LRBA: variants seen among roughly 807,000 people sequenced by gnomAD.
The protein encoded by LRBA is lipopolysaccharide-responsive and beige-like anchor protein.
In LRBA, 176 loss-of-function variants were observed where a neutral mutation model predicts 330.0. That is an observed-to-expected ratio of 0.53 (90% CI 0.47 to 0.60). The LOEUF (loss-of-function observed/expected upper bound fraction) is 0.60. LRBA is among the 20% of genes least tolerant of loss of function. LRBA has a pLI of 0.00. For synonymous variants in LRBA, 1,230 were observed against 1,193.0 expected, an observed-to-expected ratio of 1.03 and a Z score of -0.64; for missense variants, 3,259 against 3,444.8, an observed-to-expected ratio of 0.95 and a Z score of 1.35.
intron 40 of LRBA, chr4:150,579,381 G>A (rs1338662560): frequency 4.4e-6 from 2 of 454,452 alleles, no homozygotes; most frequent in Non-Finnish European, 8.8e-6. Flanking sequence ...GGAGGGGGGA[G>A]AAAGAGAACC....
chr4:150,750,006 G>A (rs2126377461), intron 35 of LRBA, among the ~76,000 whole-genome samples: 1 of 152,140 alleles, frequency 6.6e-6, no homozygotes, highest in Middle Eastern at 3.4e-3. Flanking sequence ...CACTCCTTAT[G>A]GCCTCTGCTC....
At chr4:150,857,131 T>C (rs1722039778) in intron 22 of LRBA, among the ~76,000 whole-genome samples, 1 of 152,184 alleles carries the variant, frequency 6.6e-6, no homozygotes, top group African/African-American at 2.4e-5. Flanking sequence ...CAGCTAAATA[T>C]GATGTTAACT....
intron 2 of LRBA, among the ~76,000 whole-genome samples, chr4:150,939,105 T>C (rs900152248): frequency 9.9e-5 from 15 of 152,158 alleles, no homozygotes; most frequent in African/African-American, 3.1e-4. Context: ...TCTTACTGGA[T>C]AGCTTCATAT....
chr4:150,654,762 C>T (rs1003737106), intron 37 of LRBA, among the ~76,000 whole-genome samples: 2 of 152,052 alleles, frequency 1.3e-5, no homozygotes, highest in African/African-American at 2.4e-5. Flanking sequence ...TCTCATTGTT[C>T]GATTCCCACC....
intron 37 of LRBA, among the ~76,000 whole-genome samples, chr4:150,676,165 C>T (rs1782541623): frequency 6.6e-6 from 1 of 152,094 alleles, no homozygotes; most frequent in African/African-American, 2.4e-5. Flanking sequence ...ATGACAACGG[C>T]TGAGAATACA....
intron 47 of LRBA, among the ~76,000 whole-genome samples, chr4:150,357,086 T>C (rs373706282): frequency 1.8e-4 from 27 of 151,998 alleles, no homozygotes; most frequent in African/African-American, 5.6e-4. Context: ...GAAAAGCAGA[T>C]AGAGAAATCA....
intron 34 of LRBA, among the ~76,000 whole-genome samples, chr4:150,775,617 A>G (rs1397530389): frequency 1.3e-5 from 2 of 152,002 alleles, no homozygotes; most frequent in Non-Finnish European, 2.9e-5. Flanking sequence ...TTGGAATAGG[A>G]AAAAGGGGAC....
At chr4:150,874,818 C>G (rs1246031477) in intron 17 of LRBA, among the ~76,000 whole-genome samples, 5 of 152,084 alleles carry the variant, frequency 3.3e-5, no homozygotes, top group Non-Finnish European at 7.4e-5. Context: ...CAACCTGAGC[C>G]CTATTCCACG....
chr4:150,567,991 G>A (rs983279337), intron 40 of LRBA, among the ~76,000 whole-genome samples: 13 of 151,942 alleles, frequency 8.6e-5, no homozygotes, highest in East Asian at 3.9e-4. Context: ...TAAGATCAAC[G>A]GTAACTGAAG....
Position 150,336,462 on chromosome 4 carries a change from A to G in LRBA, c.7363-10564T>C, listed in dbSNP as rs541068075. On this transcript the variant is annotated intron_variant, in intron 48 of 56. Transcript: ENST00000651943. ...CTCAGAATGCATCAGGTAACTGGAAACAAATACATATCATGATGGAATGGA... is the reference window on the plus strand; with the variant it reads ...CTCAGAATGCATCAGGTAACTGGAAGCAAATACATATCATGATGGAATGGA... Among the ~76,000 whole-genome samples, 6 of 152,332 alleles carry G rather than the reference A, an allele frequency of 3.9e-5. No individual in the cohort carries two copies. The South Asian group carries it at 1.2e-3, about 32-fold the overall frequency.
chr4:150,455,449 G>T (rs1753944413), intron 44 of LRBA, among the ~76,000 whole-genome samples: 1 of 151,948 alleles, frequency 6.6e-6, no homozygotes, highest in Non-Finnish European at 1.5e-5. Flanking sequence ...ATACTATGCA[G>T]CCATAAAAAA....
chr4:150,307,162 A>G (rs1255906016), intron 52 of LRBA, among the ~76,000 whole-genome samples: 1 of 152,150 alleles, frequency 6.6e-6, no homozygotes, highest in East Asian at 1.9e-4. Context: ...AAACACTCAA[A>G]TGTCAAAACC....
intron 2 of LRBA, among the ~76,000 whole-genome samples, chr4:151,002,962 C>T (rs1301142350): frequency 6.6e-6 from 1 of 151,168 alleles, no homozygotes; most frequent in Non-Finnish European, 1.5e-5. Flanking sequence ...TGCAGTGAAC[C>T]GAGATCGCAC....
chr4:150,288,664 C>G (rs572319610), intron 53 of LRBA, among the ~76,000 whole-genome samples: 1 of 151,270 alleles, frequency 6.6e-6, no homozygotes, highest in South Asian at 2.1e-4. Flanking sequence ...GAAGGCTGTA[C>G]ATTCCACAAA....
chr4:150,453,939 T>A (rs1024633194), intron 44 of LRBA, among the ~76,000 whole-genome samples: 12 of 152,312 alleles, frequency 7.9e-5, no homozygotes, highest in Middle Eastern at 3.4e-3. Flanking sequence ...TTCATGTGAA[T>A]GTTTCGATCA....
chr4:150,682,524 G>A (rs945263477), intron 37 of LRBA, among the ~76,000 whole-genome samples: 1 of 152,024 alleles, frequency 6.6e-6, no homozygotes, highest in Non-Finnish European at 1.5e-5. Flanking sequence ...AATATTCTTT[G>A]TAATAAATAT....
At chr4:150,770,450 T>C (rs1364442889) in intron 34 of LRBA, among the ~76,000 whole-genome samples, 1 of 152,128 alleles carries the variant, frequency 6.6e-6, no homozygotes. Context: ...TACTAGGATG[T>C]ACAGTTAACA....
intron 37 of LRBA, among the ~76,000 whole-genome samples, chr4:150,649,917 A>G (rs963775172): frequency 2.0e-5 from 3 of 152,182 alleles, no homozygotes; most frequent in Admixed American, 2.0e-4. Context: ...CCAAAGGTAG[A>G]GCTCCAAGAA....
intron 2 of LRBA, among the ~76,000 whole-genome samples, chr4:150,981,580 G>C (rs537220369): frequency 6.6e-6 from 1 of 152,084 alleles, no homozygotes; most frequent in African/African-American, 2.4e-5. Context: ...CACAAAAACA[G>C]ACACACAGAC....
Sources: gnomAD v4.1 joint callset for allele counts (sites outside exome capture counted in the v4.1 genomes callset) on GRCh38, gnomAD v4.1.1 for gene constraint, MANE v1.5 for transcripts, NCBI Gene and HGNC (gene_info 2026-07-23, HGNC 2026-07-21) for gene names.